Variants in NINJ2 observed in about 807,000 individuals in gnomAD.
NINJ2 encodes ninjurin-2.
NINJ2 carries 12 observed loss-of-function variants against 11.7 expected under a neutral mutation model. The ratio of observed to expected loss-of-function variants is 1.02; its 90% CI spans 0.66 to 1.66. The LOEUF is 1.66. NINJ2 is among the 40% of genes most tolerant of loss of function. The pLI, the probability that NINJ2 is intolerant of heterozygous loss-of-function variation, is 0.00. For synonymous variants in NINJ2, 93 were observed against 76.8 expected (o/e 1.21, Z -1.10); for missense variants, 187 against 181.8 (o/e 1.03, Z -0.16).
rs775680748 is a variant in NINJ2, at chr12:579,269, G to C, written c.34-13091C>G. On this transcript the variant is annotated intron_variant, in intron 1 of 3. Transcript: ENST00000305108. ...TGAGATGGGAGAAAGGGAAGGTGGTGAATTTCCCACCCCACCCAGCCCTGC... is the reference window on the plus strand; with the variant it reads ...TGAGATGGGAGAAAGGGAAGGTGGTCAATTTCCCACCCCACCCAGCCCTGC... Among the ~76,000 whole-genome samples, 3 of 152,152 alleles carry C rather than the reference G, an allele frequency of 2.0e-5. No homozygotes were observed. In the East Asian group the frequency reaches 5.8e-4, roughly 29 times the overall value.
At chr12:604,363 T>C (rs568840070) in intron 1 of NINJ2, among the ~76,000 whole-genome samples, 147 of 139,242 alleles carry the variant, frequency 1.1e-3, no homozygotes, top group African/African-American at 4.8e-3. Flanking sequence ...CCTGGCCGGG[T>C]GCGGTGGCTC....
At chr12:663,233 G>T in intron 1 of NINJ2, 95 bp downstream of exon 1, 1 of 1,113,416 alleles carries the variant, frequency 9.0e-7, no homozygotes, top group Non-Finnish European at 1.3e-6. Flanking sequence ...GAACGGGGAG[G>T]GAGAATATCA....
chr12:569,702 C>T (rs548700223), intron 1 of NINJ2, among the ~76,000 whole-genome samples: 2 of 152,328 alleles, frequency 1.3e-5, no homozygotes, highest in East Asian at 3.9e-4. Flanking sequence ...GTCTTCCCAA[C>T]CTCTATGGAA....
intron 1 of NINJ2, among the ~76,000 whole-genome samples, chr12:620,057 T>A (rs1948134432): frequency 6.6e-6 from 1 of 152,348 alleles, no homozygotes; most frequent in South Asian, 2.1e-4. Context: ...CATGGTTCAC[T>A]CTCTTGTCTG....
At chr12:600,653 GGTGTGTGTGTGTGTGTGT>G (rs58255968) in intron 1 of NINJ2, among the ~76,000 whole-genome samples, 40 of 142,006 alleles carry the variant, frequency 2.8e-4, no homozygotes, top group Middle Eastern at 3.6e-3. Context: ...ATTTTTTTGG[GGTGTGTGTGTGTGTGTGT>G]GTGTGTGTGT....
At chr12:658,646 T>TTATGCTATGC (rs141722591) in intron 1 of NINJ2, among the ~76,000 whole-genome samples, 46 of 130,856 alleles carry the variant, frequency 3.5e-4, no homozygotes, top group East Asian at 2.5e-3. Flanking sequence ...AACTTCTCTA[T>TTATGCTATGC]TATGCTATGC....
At chr12:574,548 A>AT (rs1406267567) in intron 1 of NINJ2, among the ~76,000 whole-genome samples, 1 of 151,670 alleles carries the variant, frequency 6.6e-6, no homozygotes, top group East Asian at 1.9e-4. Context: ...TTAAAAAAAA[A>AT]AAAAAGGTGA....
At chr12:635,451 G>A (rs1213084859) in intron 1 of NINJ2, among the ~76,000 whole-genome samples, 1 of 152,170 alleles carries the variant, frequency 6.6e-6, no homozygotes, top group Non-Finnish European at 1.5e-5. Context: ...CTGATTTTCA[G>A]CAAGGCTTCC....
At chr12:602,125 CA>C (rs538631626) in intron 1 of NINJ2, among the ~76,000 whole-genome samples, 80 of 152,306 alleles carry the variant, frequency 5.3e-4, no homozygotes, top group African/African-American at 1.7e-3. Context: ...CTTCCACACT[CA>C]ATGGGGATGA....
chr12:565,318 C>T lies in NINJ2; in HGVS notation c.346G>A (p.Val116Met), dbSNP rs554657826. 2.5e-6 allele frequency: 4 copies of T among 1,614,104 alleles called. No homozygotes were observed. Among genetic ancestry groups the T allele is most frequent in the Non-Finnish European group, 2.5e-6 (3 of 1,180,052 alleles). The change falls in exon 3 of 4, where the codon GTG becomes ATG. Residue 116 changes from valine (V) to methionine (M), a missense_variant. Transcript: ENST00000305108. Reference sequence around the variant, plus strand: ...GCTGTAATGAAAACATTGATGACCACAGTGAAGAAGACCAAGATGGTGGCT... The same window carrying T: ...GCTGTAATGAAAACATTGATGACCATAGTGAAGAAGACCAAGATGGTGGCT... The part of the protein sequence containing the change: ...NAATILVFFT[V>M]VINVFITAFG...
In NINJ2 at chr12:585,931, A is replaced by G. The variant is rs11612009; in HGVS notation, c.34-19753T>C. 0.27 allele frequency: 41,151 copies of G among 151,534 alleles called. 5,893 individuals are homozygous for G. The highest frequency in any genetic ancestry group is 0.37 in the South Asian group (1,778 of 4,808). The allele number at this position is 151,534 out of a possible 1,614,324, so 9.4% of individuals were successfully genotyped here. On this transcript the variant is annotated intron_variant, in intron 1 of 3. Transcript: ENST00000305108. The surrounding 1 kb of genome is among the most constrained non-coding windows in gnomAD (Gnocchi z 4.1). Reference sequence around the variant, plus strand: ...CAGCTGGCTCCAGACAGACAAGAAGACTCCTTCAGTGTTCTTCTGGTAATC... The same window carrying G: ...CAGCTGGCTCCAGACAGACAAGAAGGCTCCTTCAGTGTTCTTCTGGTAATC...
chr12:611,159 G>C (rs1389559037), intron 1 of NINJ2, among the ~76,000 whole-genome samples: 1 of 151,892 alleles, frequency 6.6e-6, no homozygotes, highest in Admixed American at 6.6e-5. Flanking sequence ...AGGCCTGCCT[G>C]CCTTTCTTTC....
intron 1 of NINJ2, among the ~76,000 whole-genome samples, chr12:596,481 G>A (rs902487934): frequency 4.6e-5 from 7 of 152,164 alleles, no homozygotes; most frequent in African/African-American, 1.7e-4. Flanking sequence ...GGAGGCATAT[G>A]GGGAGTTTCT....
chr12:662,147 A>G (rs558252768), intron 1 of NINJ2, among the ~76,000 whole-genome samples: 18 of 152,352 alleles, frequency 1.2e-4, no homozygotes, highest in Admixed American at 2.6e-4. Flanking sequence ...ACCTGAATGT[A>G]CTAGGAAGGG....
intron 1 of NINJ2, among the ~76,000 whole-genome samples, chr12:601,017 T>A (rs868552372): frequency 4.6e-5 from 7 of 152,166 alleles, no homozygotes; most frequent in African/African-American, 1.7e-4. Flanking sequence ...GAGATCTCTG[T>A]CCTTTGAAAA....
chr12:565,655 A>G (rs867009192), intron 2 of NINJ2: 20 of 611,592 alleles, frequency 3.3e-5, no homozygotes, highest in Middle Eastern at 4.3e-4. Flanking sequence ...ACGAGTGCTC[A>G]TGGAGAAGCG....
chr12:578,650 C>G (rs924414437), intron 1 of NINJ2, among the ~76,000 whole-genome samples: 25 of 152,158 alleles, frequency 1.6e-4, no homozygotes, highest in Non-Finnish European at 2.6e-4. Flanking sequence ...TTAGAGCTGG[C>G]CTTTGAACCC....
At position 643,856 on chromosome 12, in the gene NINJ2, C is replaced by T. The variant is rs190910469; in HGVS notation, c.33+19472G>A. On this transcript the variant is annotated intron_variant, in intron 1 of 3. Transcript: ENST00000305108. ...CGCTCAGGTCTTAGATGACACTTTC[C>T]TTGACCCCACCGGGTGCTCCAGCGC... is the stretch of plus-strand genomic sequence containing the variant. The T allele has an allele frequency of 6.4e-4, 119 of 185,732 alleles. 1 individual carries two copies. Among genetic ancestry groups the T allele is most frequent in the African/African-American group, 2.7e-3 (116 of 42,206 alleles). 11.5% of individuals were successfully genotyped at this position (185,732 alleles called of 1,614,324 possible).
intron 1 of NINJ2, among the ~76,000 whole-genome samples, chr12:570,832 G>C (rs1488920207): frequency 1.3e-5 from 2 of 152,196 alleles, no homozygotes; most frequent in Non-Finnish European, 2.9e-5. Context: ...AGGACTGCTG[G>C]TTGCTGGGCC....
Sources: gnomAD v4.1 joint callset for allele counts (sites outside exome capture counted in the v4.1 genomes callset) on GRCh38, gnomAD v4.1.1 for gene constraint, Gnocchi (gnomAD v3.1) non-coding constraint, MANE v1.5 for transcripts, NCBI Gene and HGNC (gene_info 2026-07-23, HGNC 2026-07-21) for gene names.